Variants in L3MBTL1 observed in about 807,000 individuals in gnomAD.
The protein encoded by L3MBTL1 is L3MBTL histone methyl-lysine binding protein 1.
L3MBTL1 carries 75 observed loss-of-function variants against 105.3 expected under a neutral mutation model. The observed-to-expected ratio is 0.71, with a 90% confidence interval of 0.59 to 0.86. L3MBTL1 has a LOEUF of 0.86. Among genes scored for constraint, L3MBTL1 ranks in the 40% least tolerant of loss-of-function variants. The pLI is 0.00. For synonymous variants in L3MBTL1, 452 were observed against 436.2 expected (o/e 1.04, Z -0.45); for missense variants, 1,069 against 1,126.4 (o/e 0.95, Z 0.73).
intron 19 of L3MBTL1, 152 bp from the exon 20 acceptor site, chr20:43,539,999 G>C: frequency 1.3e-6 from 1 of 794,920 alleles, no homozygotes; most frequent in Non-Finnish European, 2.1e-6. Context: ...CAGGAGATAC[G>C]GCTCACCCTC....
intron 7 of L3MBTL1, among the ~76,000 whole-genome samples, 157 bp downstream of exon 7, chr20:43,516,334 T>A (rs2018390893): frequency 6.6e-6 from 1 of 152,186 alleles, no homozygotes. Flanking sequence ...AGTGAGAGAC[T>A]ATTTTGGGTT....
chr20:43,547,988 C>T (rs1293432568), intron 18 of L3MBTL1: 5 of 465,668 alleles, frequency 1.1e-5, no homozygotes, highest in Admixed American at 3.5e-5. Flanking sequence ...CCCTTTCTCC[C>T]GCATATCCTT....
intron 1 of L3MBTL1, among the ~76,000 whole-genome samples, chr20:43,510,505 A>C (rs1286317789): frequency 2.0e-5 from 3 of 150,104 alleles, no homozygotes. Context: ...CCTGGGTTCA[A>C]GCAATTCTCC....
At position 43,539,472 on chromosome 20, in the gene L3MBTL1, G is replaced by A. The variant is rs2019795717; in HGVS notation, c.2174-679G>A. On this transcript the variant is annotated intron_variant, in intron 19 of 21. Transcript: ENST00000418998. ...CATCAGCTCAGTACAGCTGCTTGAG[G>A]TAGGAGGTTGGGGCCAGTGATCCCA... The A allele has an allele frequency of 3.7e-5, 6 of 162,560 alleles. No homozygotes were observed. In the South Asian group the frequency reaches 1.0e-3, roughly 28 times the overall value. 10.1% of individuals were successfully genotyped at this position (162,560 alleles called of 1,614,324 possible).
Position 43,530,386 on chromosome 20 carries a change from G to C in L3MBTL1, c.1159G>C (p.Glu387Gln). 6.2e-7 allele frequency: 1 copy of C among 1,614,152 alleles called. No individual in the cohort carries two copies. The highest frequency in any genetic ancestry group is 8.5e-7 in the Non-Finnish European group (1 of 1,180,020). Residue 387 changes from glutamate (E) to glutamine (Q), a missense_variant, in exon 10 of 22, where the codon GAG (glutamate) becomes CAG (glutamine). Glu to Gln is a conservative substitution (Grantham distance 29). Coordinates refer to ENST00000418998, the MANE Select transcript of L3MBTL1 (RefSeq NM_001377303.1). ...TGACATTCACCCTGCTGGCTGGTTC[G>C]AGAAGACGGGCCACAAGCTGCAGCC... is the stretch of plus-strand genomic sequence containing the variant. ...SPDIHPAGWF[E>Q]KTGHKLQPPK...
chr20:43,542,614 A>G (rs1186932381), downstream of L3MBTL1, among the ~76,000 whole-genome samples: 4 of 146,316 alleles, frequency 2.7e-5, no homozygotes, highest in Non-Finnish European at 4.5e-5. Flanking sequence ...AATTTAACAA[A>G]AAAAAAAAAA....
Position 43,515,053 on chromosome 20 carries a change from C to T in L3MBTL1, c.547C>T (p.Pro183Ser). Residue 183 changes from proline (P) to serine (S), a missense_variant, in exon 5 of 22, where the codon CCA becomes TCA. Coordinates refer to ENST00000418998, the MANE Select transcript of L3MBTL1 (RefSeq NM_001377303.1). ...TCCAGAAGATCCCAATCAGGACCCC[C>T]CAGAGGATGATAGCACCTGTCAGTG... ...NPPEDPNQDP[P>S]EDDSTCQCQA... 1.2e-6 allele frequency: 2 copies of T among 1,614,112 alleles called. No homozygotes were observed. The highest frequency in any genetic ancestry group is 1.1e-5 in the South Asian group (1 of 91,076).
chr20:43,515,912 G>C (rs981631319), intron 6 of L3MBTL1, 181 bp from the exon 7 acceptor site: 1 of 589,530 alleles, frequency 1.7e-6, no homozygotes, highest in Non-Finnish European at 3.0e-6. Context: ...GTGAGTCTGT[G>C]CTCAAGTGAT....
intron 1 of L3MBTL1, among the ~76,000 whole-genome samples, chr20:43,509,040 G>C (rs1232288778): frequency 6.6e-6 from 1 of 152,150 alleles, no homozygotes; most frequent in African/African-American, 2.4e-5. Flanking sequence ...CAGAAACCCA[G>C]ACTCTTCTGA....
exon 19 of L3MBTL1, chr20:43,549,730 AT>A (rs1978863426): frequency 2.0e-5 from 3 of 148,984 alleles, no homozygotes; most frequent in African/African-American, 7.4e-5. Context: ...GTGTGTGTGC[AT>A]GTGTGTGTGT....
Position 43,529,306 on chromosome 20 carries a change from A to G in L3MBTL1, c.994A>G (p.Met332Val), listed in dbSNP as rs1327467874. 2 of 1,613,256 alleles carry G rather than the reference A, an allele frequency of 1.2e-6. No homozygotes were observed. The highest frequency in any genetic ancestry group is 1.7e-5 in the Admixed American group (1 of 59,932). The change falls in exon 9 of 22, where the codon ATG becomes GTG. Residue 332 changes from methionine to valine, a missense_variant. Coordinates refer to ENST00000418998, the MANE Select transcript of L3MBTL1 (RefSeq NM_001377303.1). ...THNKNGFKLG[M>V]KLEGIDPQHP... is the part of the protein sequence containing the mutation. ...CAACAAGAATGGCTTCAAACTGGGC[A>G]TGAAGTTGGAAGGCATTGACCCTCA... is the stretch of plus-strand genomic sequence containing the variant.
At position 43,530,218 on chromosome 20, in the gene L3MBTL1, G is replaced by T. The variant is rs1419334750; in HGVS notation, c.1057-66G>T. ...GAGACCACCAGACTGGGCCAGGAGA[G>T]GTGAGGCAGATGGGGAGTGGGGCAT... On this transcript the variant is annotated intron_variant, in intron 9 of 21. Coordinates refer to ENST00000418998, the MANE Select transcript of L3MBTL1 (RefSeq NM_001377303.1). The T allele has an allele frequency of 9.4e-6, 15 of 1,604,028 alleles. No homozygotes were observed. The East Asian group carries it at 3.3e-4, about 36-fold the overall frequency.
At chr20:43,509,052 T>G (rs1310345596) in intron 1 of L3MBTL1, among the ~76,000 whole-genome samples, 1 of 152,044 alleles carries the variant, frequency 6.6e-6, no homozygotes, top group South Asian at 2.1e-4. Flanking sequence ...CTCTTCTGAG[T>G]CCCCCCTCAC....
chr20:43,522,457 G>GTTTTTTTTTTTTTTTTTTTTTTTT lies in L3MBTL1; in HGVS notation c.863-6192_863-6169dup, dbSNP rs1176856356. 6.3e-5 allele frequency among the ~76,000 whole-genome samples: 6 copies of GTTTTTTTTTTTTTTTTTTTTTTTT among 95,886 alleles called. 1 individual carries two copies. Among genetic ancestry groups the GTTTTTTTTTTTTTTTTTTTTTTTT allele is most frequent in the Admixed American group, 2.8e-4 (2 of 7,144 alleles). The allele number at this position is 95,886 out of a possible 152,430, so 62.9% of individuals were successfully genotyped here. A position where few individuals can be genotyped will look rare whatever the true frequency, so the allele number is the denominator to read the frequency against. ...TGGTAACTGAATTTTTCCCTGCTAA[G>GTTTTTTTTTTTTTTTTTTTTTTTT]TTTTTTTTTTTTTTTTTTTTTTTTT... On this transcript the variant is annotated intron_variant, in intron 7 of 21. Transcript: ENST00000418998.
rs757053008 is a variant in L3MBTL1, at chr20:43,534,914, G to A, written c.1797G>A (p.Lys599=). Residue 599 remains lysine (K), a synonymous_variant, in exon 16 of 22, where the codon AAG becomes AAA. Coordinates refer to ENST00000418998, the MANE Select transcript of L3MBTL1 (RefSeq NM_001377303.1). ...PDIHPAGWCS[K]TGHPLQPPLG... ...TCCACCCTGCCGGCTGGTGCTCCAA[G>A]ACAGGACATCCCCTGCAGCCTCCTC... 23 of 1,606,884 alleles carry A rather than the reference G, an allele frequency of 1.4e-5. 1 individual carries two copies. The South Asian group carries it at 2.5e-4, about 18-fold the overall frequency.
chr20:43,512,850 C>T (rs2018171553), intron 1 of L3MBTL1, among the ~76,000 whole-genome samples: 1 of 152,260 alleles, frequency 6.6e-6, no homozygotes, highest in South Asian at 2.1e-4. Flanking sequence ...CACGTACTGA[C>T]TTGACTGCGT....
intron 3 of L3MBTL1, chr20:43,514,413 A>G (rs1476111180): frequency 1.4e-6 from 2 of 1,446,732 alleles, no homozygotes; most frequent in Non-Finnish European, 1.8e-6. Context: ...GGCGTGGCTT[A>G]GAGTGGGGCA....
At position 43,519,834 on chromosome 20, in the gene L3MBTL1, C is replaced by G. The variant is rs376823245; in HGVS notation, c.862+3657C>G. On this transcript the variant is annotated intron_variant, in intron 7 of 21. Transcript: ENST00000418998. ...TTTCTAAATGGTGTCTTTTAAGGAG[C>G]AGAAAGTTCGTTTTGATGGTGCCCA... Among the ~76,000 whole-genome samples the G allele has an allele frequency of 5.3e-4, 80 of 152,256 alleles. No individual in the cohort carries two copies. The South Asian group carries it at 0.016, about 30-fold the overall frequency.
chr20:43,545,059 C>T (rs367838046), downstream of L3MBTL1, among the ~76,000 whole-genome samples: 47 of 152,226 alleles, frequency 3.1e-4, 1 homozygote, highest in African/African-American at 1.0e-3. Context: ...TCCTGAACTT[C>T]GAGATCTCCC....
Sources: gnomAD v4.1 joint callset for allele counts (sites outside exome capture counted in the v4.1 genomes callset) on GRCh38, gnomAD v4.1.1 for gene constraint, MANE v1.5 for transcripts, NCBI Gene and HGNC (gene_info 2026-07-23, HGNC 2026-07-21) for gene names.